Variants in ATP2A3 observed in about 807,000 individuals in gnomAD.
ATP2A3 encodes the protein ATPase sarcoplasmic/endoplasmic reticulum Ca2+ transporting 3.
In ATP2A3, 61 loss-of-function variants were observed where a neutral mutation model predicts 106.8. The observed-to-expected ratio is 0.57, with a 90% CI of 0.46 to 0.71. ATP2A3 has a LOEUF of 0.71. Ranked by LOEUF, ATP2A3 falls within the 30% of genes least tolerant of loss-of-function variation. ATP2A3 has a pLI of 0.00. For synonymous variants in ATP2A3, 611 were observed against 609.3 expected (o/e 1.00, Z -0.04); for missense variants, 1,201 against 1,423.5 (o/e 0.84, Z 2.52).
At position 3,953,798 on chromosome 17, in the gene ATP2A3, C is replaced by A. The variant is rs1376991108; in HGVS notation, c.119-88G>T. 7.2e-7 allele frequency: 1 copy of A among 1,396,494 alleles called. No individual in the cohort carries two copies. The highest frequency in any genetic ancestry group is 9.9e-7 in the Non-Finnish European group (1 of 1,007,276). The allele number at this position is 1,396,494 out of a possible 1,614,324, so 86.5% of individuals were successfully genotyped here. On this transcript the variant is annotated intron_variant, in intron 1 of 20. Transcript: ENST00000397041. This position sits in a 1 kb window ranked among gnomAD's most constrained non-coding sequence, Gnocchi z 5.1. The stretch of plus-strand genomic sequence containing the variant: ...GCCTCGGGGGAGTCTGGCAGTGCCT[C>A]CCCACCGTGCCCGCCCAGACCCCCA...
At chr17:3,934,897 G>A in intron 17 of ATP2A3, 1 of 412,444 alleles carries the variant, frequency 2.4e-6, no homozygotes, top group Non-Finnish European at 4.6e-6. Context: ...ATTCCTCTGA[G>A]GCCTCAACGT....
chr17:3,934,017 G>C (rs944988390), intron 17 of ATP2A3, among the ~76,000 whole-genome samples: 1 of 150,900 alleles, frequency 6.6e-6, no homozygotes, highest in South Asian at 2.1e-4. Flanking sequence ...TCCGCCTCTC[G>C]GGTTCAAGCG....
At chr17:3,954,761 C>T (rs924706954) in intron 1 of ATP2A3, among the ~76,000 whole-genome samples, 3 of 151,982 alleles carry the variant, frequency 2.0e-5, no homozygotes, top group African/African-American at 7.3e-5. Flanking sequence ...TCCCAAAGTG[C>T]TGGGATTACA....
At position 3,958,879 on chromosome 17, in the gene ATP2A3, C is replaced by CATATATAAATATATATATATAT. The variant is rs1567727073; in HGVS notation, c.119-5170_119-5169insATATATATATATATTTATATAT. Reference sequence around the variant, plus strand: ...ATATATATATATATATACACACACACACACACACATATATATATATTGTTT... The same window carrying CATATATAAATATATATATATAT: ...ATATATATATATATATACACACACACATATATAAATATATATATATATACACACACATATATATATATTGTTT... On this transcript the variant is annotated intron_variant, in intron 1 of 20. Transcript: ENST00000397041. 1.6e-4 allele frequency among the ~76,000 whole-genome samples: 18 copies of CATATATAAATATATATATATAT among 112,810 alleles called. 1 individual carries two copies. Among genetic ancestry groups the CATATATAAATATATATATATAT allele is most frequent in the African/African-American group, 6.5e-4 (17 of 26,310 alleles). The allele number at this position is 112,810 out of a possible 152,430, so 74.0% of individuals were successfully genotyped here. A position where few individuals can be genotyped will look rare whatever the true frequency, so the allele number is the denominator to read the frequency against.
intron 1 of ATP2A3, among the ~76,000 whole-genome samples, chr17:3,963,671 G>T (rs1472773751): frequency 6.6e-6 from 1 of 152,200 alleles, no homozygotes; most frequent in African/African-American, 2.4e-5. Flanking sequence ...GACCTGGGGT[G>T]GGGGTGGGGG....
rs574318061 is a variant in ATP2A3 at position 3,943,391 on chromosome 17, C to T, written c.1419G>A (p.Thr473=). ...SRVERAGACN[T]VIKQLMRKEF... ...GGCCTGAGCCCCCAGCCCTGCTCAC[C>T]GTGTTACAGGCGCCAGCTCGCTCCA... The change falls in exon 11 of 21, where the codon ACG becomes ACA. Residue 473 remains threonine, a splice_region_variant and synonymous_variant. Transcript: ENST00000397041. 27 of 1,613,862 alleles carry T rather than the reference C, an allele frequency of 1.7e-5. No individual in the cohort carries two copies. The highest frequency in any genetic ancestry group is 2.7e-5 in the African/African-American group (2 of 75,052).
In ATP2A3 at chr17:3,936,222, C is replaced by T; in HGVS notation, c.2524+45G>A. On this transcript the variant is annotated intron_variant, in intron 16 of 20. Transcript: ENST00000397041. The surrounding 1 kb of genome is among the most constrained non-coding windows in gnomAD (Gnocchi z 5.4). Reference sequence around the variant, plus strand: ...CAGCTTGCAAGCCTGATACAAGGCTCTTAGGAAGCTTAGGAATTCCACGGA... The same window carrying T: ...CAGCTTGCAAGCCTGATACAAGGCTTTTAGGAAGCTTAGGAATTCCACGGA... 3 of 1,609,454 alleles carry T rather than the reference C, an allele frequency of 1.9e-6. No individual in the cohort carries two copies. The highest frequency in any genetic ancestry group is 2.6e-6 in the Non-Finnish European group (3 of 1,176,296).
In ATP2A3 at chr17:3,953,307, C is replaced by A. The variant is rs1370878584; in HGVS notation, c.219+40G>T. ...GCCCAGCCTGGCTCTCCCTCCAGGG[C>A]TACCGACTACCACAGGATGGCTGGC... On this transcript the variant is annotated intron_variant, in intron 3 of 20. Coordinates refer to ENST00000397041, the MANE Select transcript of ATP2A3 (RefSeq NM_005173.4). The surrounding 1 kb of genome is among the most constrained non-coding windows in gnomAD (Gnocchi z 5.1). The A allele has an allele frequency of 2.5e-6, 4 of 1,604,902 alleles. No homozygotes were observed. The highest frequency in any genetic ancestry group is 3.4e-6 in the Non-Finnish European group (4 of 1,172,040).
In ATP2A3 at chr17:3,928,668, A is replaced by G. The variant is rs2144218523; in HGVS notation, c.2975T>C (p.Met992Thr). 1 of 1,550,448 alleles carries G rather than the reference A, an allele frequency of 6.4e-7. No homozygotes were observed. The highest frequency in any genetic ancestry group is 2.0e-5 in the Admixed American group (1 of 50,978). Residue 992 changes from methionine (M) to threonine (T), a missense_variant, in exon 20 of 21, where the codon ATG becomes ACG. Transcript: ENST00000397041. The surrounding 1 kb of genome is among the most constrained non-coding windows in gnomAD (Gnocchi z 6.1). ...GGACGGGGCCTCCCACTCACCGTGC[A>G]TGTGGTTCCGGGACAGGTACTTGAG... ...EALKYLSRNH[M>T]HEEMSQK is the part of the protein sequence containing the mutation.
chr17:3,932,205 G>A (rs148238021), intron 17 of ATP2A3, among the ~76,000 whole-genome samples: 13 of 150,492 alleles, frequency 8.6e-5, no homozygotes, highest in Admixed American at 2.0e-4. Context: ...GTGCAGTGGC[G>A]TGATCTTGGC....
Position 3,933,174 on chromosome 17 carries a change from G to A in ATP2A3, c.2610+2018C>T, listed in dbSNP as rs533369579. On this transcript the variant is annotated intron_variant, in intron 17 of 20. Coordinates refer to ENST00000397041, the MANE Select transcript of ATP2A3 (RefSeq NM_005173.4). The stretch of plus-strand genomic sequence containing the variant: ...CGGGTGCCTGTAATCCCAGCTACTC[G>A]GGAGGCTGAGGCAGGAGAATCGCTT... Among the ~76,000 whole-genome samples the A allele has an allele frequency of 7.2e-4, 109 of 151,686 alleles. 5 individuals carry two copies. Among genetic ancestry groups the A allele is most frequent in the African/African-American group, 2.5e-3 (101 of 41,024 alleles).
At chr17:3,952,317 G>A (rs954589251) in intron 3 of ATP2A3, among the ~76,000 whole-genome samples, 2 of 152,072 alleles carry the variant, frequency 1.3e-5, no homozygotes, top group Admixed American at 6.5e-5. Flanking sequence ...GAGCTCACCC[G>A]CCTCGGCCTG....
chr17:3,941,750 C>G lies in ATP2A3; in HGVS notation c.1546-96G>C, dbSNP rs886399773. On this transcript the variant is annotated intron_variant, in intron 12 of 20. Coordinates refer to ENST00000397041, the MANE Select transcript of ATP2A3 (RefSeq NM_005173.4). ...CAGGAAACTGAGACTAAGATACGGGCAAAGGCCACCCAAGGGTACACACGC... is the reference window on the plus strand; with the variant it reads ...CAGGAAACTGAGACTAAGATACGGGGAAAGGCCACCCAAGGGTACACACGC... 2.3e-6 allele frequency: 3 copies of G among 1,307,708 alleles called. No homozygotes were observed. The African/African-American group carries it at 4.4e-5, about 19-fold the overall frequency. 81.0% of individuals were successfully genotyped at this position (1,307,708 alleles called of 1,614,324 possible). A position where few individuals can be genotyped will look rare whatever the true frequency, so the allele number is the denominator to read the frequency against.
At chr17:3,933,000 G>A (rs1025635952) in intron 17 of ATP2A3, among the ~76,000 whole-genome samples, 7 of 150,976 alleles carry the variant, frequency 4.6e-5, no homozygotes, top group Admixed American at 2.6e-4. Context: ...AGGATGTTTC[G>A]GCCGGGCACG....
chr17:3,942,163 C>A (rs904210250), intron 12 of ATP2A3, among the ~76,000 whole-genome samples: 1 of 152,158 alleles, frequency 6.6e-6, no homozygotes, highest in African/African-American at 2.4e-5. Flanking sequence ...TCAGACCTCA[C>A]CCCGGGCCTA....
rs769741068 is a variant in ATP2A3, at chr17:3,941,113, T to G, written c.1958A>C (p.Tyr653Ser). 6.2e-7 allele frequency: 1 copy of G among 1,614,034 alleles called. No individual in the cohort carries two copies. The highest frequency in any genetic ancestry group is 8.5e-7 in the Non-Finnish European group (1 of 1,179,966). Residue 653 changes from tyrosine (Y) to serine (S), a missense_variant, in exon 14 of 21, where the codon TAC becomes TCC. By Grantham distance (144) the Tyr-to-Ser change is moderately radical. Around this residue, in one of 2 missense-constraint regions of ATP2A3, gnomAD observed 935 missense variants for 1,176.7 expected, o/e 0.79. Transcript: ENST00000397041. Reference sequence around the variant, plus strand: ...GAGGTCATCAAACTCGCGGCCCGTGTAGGCCTTGCCCGCCACGTCTTCCGT... The same window carrying G: ...GAGGTCATCAAACTCGCGGCCCGTGGAGGCCTTGCCCGCCACGTCTTCCGT... ...GDTEDVAGKA[Y>S]TGREFDDLSP...
chr17:3,960,230 C>A (rs1027610594), intron 1 of ATP2A3, among the ~76,000 whole-genome samples: 1 of 152,254 alleles, frequency 6.6e-6, no homozygotes, highest in African/African-American at 2.4e-5. Context: ...CACTCCGTTC[C>A]TCTTGGCCTG....
In ATP2A3 at chr17:3,930,543, C is replaced by A. The variant is rs2053013632; in HGVS notation, c.2611-109G>T. The A allele has an allele frequency of 1.4e-6, 2 of 1,422,848 alleles. No individual in the cohort carries two copies. Among genetic ancestry groups the A allele is most frequent in the East Asian group, 5.4e-5 (2 of 37,170 alleles). The allele number at this position is 1,422,848 out of a possible 1,614,324, so 88.1% of individuals were successfully genotyped here. On this transcript the variant is annotated intron_variant, in intron 17 of 20. Transcript: ENST00000397041. This position sits in a 1 kb window ranked among gnomAD's most constrained non-coding sequence, Gnocchi z 5.4. ...TTGGCCCACGCCTGGGCACAACCAG[C>A]ACACAAAACACTGCCGTGGGGTGGG...
At chr17:3,938,041 T>C (rs2053549332) in intron 14 of ATP2A3, among the ~76,000 whole-genome samples, 1 of 152,166 alleles carries the variant, frequency 6.6e-6, no homozygotes, top group South Asian at 2.1e-4. Flanking sequence ...GTAGGTGTTG[T>C]AGTCAAGTTG....
Sources: gnomAD v4.1 joint callset for allele counts (sites outside exome capture counted in the v4.1 genomes callset) on GRCh38, gnomAD v4.1.1 for gene constraint, gnomAD v4.1.1 regional missense constraint, Gnocchi (gnomAD v3.1) non-coding constraint, MANE v1.5 for transcripts, NCBI Gene and HGNC (gene_info 2026-07-23, HGNC 2026-07-21) for gene names.